The following PTPRD variants were observed in gnomAD, a reference collection of about 807,000 sequenced individuals.
PTPRD encodes the protein protein tyrosine phosphatase receptor type D, also known as receptor-type tyrosine-protein phosphatase delta.
In PTPRD, 34 loss-of-function variants were observed where a neutral mutation model predicts 214.5. The observed-to-expected ratio is 0.16, with a 90% CI of 0.12 to 0.21. The LOEUF (loss-of-function observed/expected upper bound fraction) is 0.21. Among genes scored for constraint, PTPRD ranks in the 10% least tolerant of loss-of-function variants. The pLI, the probability that PTPRD is intolerant of heterozygous loss-of-function variation, is 1.00. For missense variants in PTPRD, 2,545 were observed against 2,398.7 expected, an observed-to-expected ratio of 1.06 and a Z score of -1.27; for synonymous variants, 1,128 against 845.7, an observed-to-expected ratio of 1.33 and a Z score of -5.79.
chr9:9,316,790 T>C (rs1963407315), intron 9 of PTPRD, among the ~76,000 whole-genome samples: 1 of 152,174 alleles, frequency 6.6e-6, no homozygotes, highest in Admixed American at 6.6e-5. Context: ...ATTATTGTCA[T>C]CGTATGGTAA....
At chr9:9,818,823 G>A (rs1269080622) in intron 5 of PTPRD, among the ~76,000 whole-genome samples, 2 of 150,786 alleles carry the variant, frequency 1.3e-5, no homozygotes, top group Admixed American at 6.7e-5. Context: ...GGCTGAGGCT[G>A]GAAAATTGCT....
intron 10 of PTPRD, among the ~76,000 whole-genome samples, chr9:9,119,041 C>G (rs753769209): frequency 1.2e-4 from 19 of 152,158 alleles, no homozygotes; most frequent in Non-Finnish European, 2.4e-4. Context: ...AAGACCAAGA[C>G]AGCCAAATTA....
intron 11 of PTPRD, among the ~76,000 whole-genome samples, chr9:8,770,204 C>A (rs1455446005): frequency 6.6e-6 from 1 of 151,944 alleles, no homozygotes; most frequent in East Asian, 1.9e-4. Flanking sequence ...ATTGCTTGAA[C>A]CGGGAGAAGT....
At chr9:8,367,562 C>A (rs1231955993) in intron 39 of PTPRD, among the ~76,000 whole-genome samples, 1 of 152,110 alleles carries the variant, frequency 6.6e-6, no homozygotes, top group African/African-American at 2.4e-5. Flanking sequence ...ATAAGCAAAG[C>A]ATTTATTTTA....
At chr9:8,936,146 C>T (rs1317628177) in intron 11 of PTPRD, 4 of 152,146 alleles carry the variant, frequency 2.6e-5, no homozygotes, top group South Asian at 2.1e-4. Flanking sequence ...TGCTGTGGCT[C>T]ATGCCTGTAA....
At chr9:10,453,485 C>G (rs76900406) in intron 2 of PTPRD, among the ~76,000 whole-genome samples, 1 of 151,410 alleles carries the variant, frequency 6.6e-6, no homozygotes, top group Admixed American at 6.6e-5. Context: ...AATATCTTCC[C>G]TCAATGTTTT....
chr9:9,834,973 CT>C (rs2056302835), intron 5 of PTPRD, among the ~76,000 whole-genome samples: 1 of 151,688 alleles, frequency 6.6e-6, no homozygotes, highest in African/African-American at 2.4e-5. Flanking sequence ...AGCAGATTCA[CT>C]TTGTTTTATC....
At chr9:8,630,188 G>A (rs768838336) in intron 14 of PTPRD, among the ~76,000 whole-genome samples, 1 of 151,744 alleles carries the variant, frequency 6.6e-6, no homozygotes, top group African/African-American at 2.4e-5. Flanking sequence ...CCACGTGGAC[G>A]AAATGGGAAT....
intron 9 of PTPRD, among the ~76,000 whole-genome samples, chr9:9,254,727 T>C (rs750800592): frequency 6.6e-6 from 1 of 152,048 alleles, no homozygotes; most frequent in South Asian, 2.1e-4. Flanking sequence ...AATCTCAGCA[T>C]ACAAACATTT....
At chr9:10,565,009 A>G (rs2131672148) in intron 2 of PTPRD, among the ~76,000 whole-genome samples, 1 of 152,182 alleles carries the variant, frequency 6.6e-6, no homozygotes, top group Non-Finnish European at 1.5e-5. Context: ...CTAGGCCTCT[A>G]ATTTTCTAAT....
At chr9:8,749,862 G>A (rs2093340966) in intron 11 of PTPRD, among the ~76,000 whole-genome samples, 1 of 152,112 alleles carries the variant, frequency 6.6e-6, no homozygotes, top group Non-Finnish European at 1.5e-5. Context: ...AACACTTTGG[G>A]AGGCCAAGGA....
At chr9:9,846,985 T>A (rs1185591439) in intron 5 of PTPRD, among the ~76,000 whole-genome samples, 2 of 152,050 alleles carry the variant, frequency 1.3e-5, no homozygotes, top group African/African-American at 4.8e-5. Flanking sequence ...AAAATATATA[T>A]TTTTTTGAGT....
At chr9:10,172,904 C>A (rs2099219603) in intron 3 of PTPRD, among the ~76,000 whole-genome samples, 1 of 152,110 alleles carries the variant, frequency 6.6e-6, no homozygotes, top group Non-Finnish European at 1.5e-5. Context: ...GAGGAGATAC[C>A]CATGCATACT....
intron 11 of PTPRD, among the ~76,000 whole-genome samples, chr9:8,998,765 C>G (rs973781061): frequency 6.6e-6 from 1 of 152,014 alleles, no homozygotes; most frequent in African/African-American, 2.4e-5. Flanking sequence ...ATTCACTAGT[C>G]TACATGCCAT....
Position 10,511,903 on chromosome 9 carries a change from C to CATATATATATACGTGT in PTPRD, c.-600+100479_-600+100494dup, listed in dbSNP as rs1566638885. Among the ~76,000 whole-genome samples, 5 of 112,442 alleles carry CATATATATATACGTGT rather than the reference C, an allele frequency of 4.4e-5. No individual in the cohort carries two copies. In the East Asian group the frequency reaches 7.6e-4, roughly 17 times the overall value. 73.8% of individuals were successfully genotyped at this position (112,442 alleles called of 152,430 possible). On this transcript the variant is annotated intron_variant, in intron 2 of 45. Coordinates refer to ENST00000381196, the MANE Select transcript of PTPRD (RefSeq NM_002839.4). ...GTATATACACACACACATATATATACATATATATATACGTGTATATATATA... is the reference window on the plus strand; with the variant it reads ...GTATATACACACACACATATATATACATATATATATACGTGTATATATATATACGTGTATATATATA...
At chr9:8,961,098 T>C (rs147130672) in intron 11 of PTPRD, among the ~76,000 whole-genome samples, 2,092 of 152,094 alleles carry the variant, frequency 0.014, 19 homozygotes, top group Middle Eastern at 0.031. Context: ...CACAAAGACA[T>C]GCATAAGGTT....
intron 10 of PTPRD, among the ~76,000 whole-genome samples, chr9:9,055,782 C>G (rs193025697): frequency 6.7e-6 from 1 of 149,424 alleles, no homozygotes; most frequent in Admixed American, 6.7e-5. Flanking sequence ...AACATACTAT[C>G]TATTAATATA....
At chr9:8,566,601 C>A (rs2089321779) in intron 14 of PTPRD, among the ~76,000 whole-genome samples, 1 of 152,148 alleles carries the variant, frequency 6.6e-6, no homozygotes, top group Non-Finnish European at 1.5e-5. Context: ...ACCAGTAGCT[C>A]TCACTAACTG....
At chr9:9,829,992 G>T (rs1428230268) in intron 5 of PTPRD, among the ~76,000 whole-genome samples, 3 of 151,734 alleles carry the variant, frequency 2.0e-5, no homozygotes, top group Non-Finnish European at 4.4e-5. Context: ...ATCTGTTAAA[G>T]TATAGCAGAA....
Sources: allele counts gnomAD v4.1 joint callset (sites outside exome capture counted in the v4.1 genomes callset), GRCh38; gene constraint gnomAD v4.1.1; transcripts MANE v1.5; gene names NCBI Gene and HGNC (gene_info 2026-07-23, HGNC 2026-07-21).